The following SLC8A2 variants were observed in gnomAD, a reference collection of about 807,000 sequenced individuals.
SLC8A2 encodes the protein solute carrier family 8 member A2.
Under a neutral mutation model 70.2 loss-of-function variants are expected in SLC8A2, and 14 were observed. The observed-to-expected ratio is 0.20, with a 90% confidence interval of 0.13 to 0.31. SLC8A2 has a LOEUF of 0.31. Ranked by LOEUF, SLC8A2 falls within the 10% of genes least tolerant of loss-of-function variation. The pLI is 1.00. For missense variants in SLC8A2, 779 were observed against 1,320.1 expected, an observed-to-expected ratio of 0.59 and a Z score of 6.35; for synonymous variants, 575 against 594.3, an observed-to-expected ratio of 0.97 and a Z score of 0.47.
In SLC8A2 at chr19:47,448,719, G is replaced by A. The variant is rs1599851861; in HGVS notation, c.1341-488C>T. On this transcript the variant is annotated intron_variant, in intron 3 of 9. Coordinates refer to ENST00000236877, the MANE Select transcript of SLC8A2 (RefSeq NM_015063.3). This position sits in a 1 kb window ranked among gnomAD's most constrained non-coding sequence, Gnocchi z 4.8. The stretch of plus-strand genomic sequence containing the variant: ...TAGAAGCTCCCGGGTTTCTAGAATC[G>A]CATTTCTAACGAGCTCCAGGGGATG... 6.6e-6 allele frequency among the ~76,000 whole-genome samples: 1 copy of A among 152,144 alleles called. No homozygotes were observed. The highest frequency in any genetic ancestry group is 6.5e-5 in the Admixed American group (1 of 15,270).
At position 47,469,828 on chromosome 19, in the gene SLC8A2, G is replaced by A. The variant is rs180753925; in HGVS notation, c.-17+1961C>T. Among the ~76,000 whole-genome samples the A allele has an allele frequency of 1.5e-4, 23 of 152,336 alleles. No individual in the cohort carries two copies. In the South Asian group the frequency reaches 1.7e-3, roughly 11 times the overall value. On this transcript the variant is annotated intron_variant, in intron 1 of 9. Coordinates refer to ENST00000236877, the MANE Select transcript of SLC8A2 (RefSeq NM_015063.3). ...GCGGGGAGGGCAGATGGCAGGTACC[G>A]TCTCCCAGGGCCATCTCTCCCTCCC... is the stretch of plus-strand genomic sequence containing the variant.
chr19:47,471,840 G>C lies in SLC8A2; in HGVS notation c.-68C>G, dbSNP rs926464264. On this transcript the variant is annotated 5_prime_UTR_variant, in exon 1 of 10. Transcript: ENST00000236877. ...CCCCAGCGCTGGGCTGGCAGTGGTG[G>C]GCGACTCCGCCCGAAAGAGAGAGAG... 61 of 151,898 alleles carry C rather than the reference G, an allele frequency of 4.0e-4. 1 individual carries two copies. The highest frequency in any genetic ancestry group is 1.4e-3 in the African/African-American group (59 of 41,300). 9.4% of individuals were successfully genotyped at this position (151,898 alleles called of 1,614,324 possible). A position where few individuals can be genotyped will look rare whatever the true frequency, so the allele number is the denominator to read the frequency against.
intron 4 of SLC8A2, among the ~76,000 whole-genome samples, chr19:47,446,934 G>C (rs922911918): frequency 3.3e-5 from 5 of 151,982 alleles, no homozygotes; most frequent in Non-Finnish European, 7.4e-5. Context: ...AGTGTATCCA[G>C]CCAGCCCACC....
intron 3 of SLC8A2, among the ~76,000 whole-genome samples, chr19:47,452,449 T>TGA (rs1568444607): frequency 4.4e-5 from 3 of 67,836 alleles, no homozygotes; most frequent in East Asian, 9.7e-4. Flanking sequence ...AGAGAGAGTG[T>TGA]GTGTGTGTGT....
Position 47,459,600 on chromosome 19 carries a change from C to T in SLC8A2, c.676-2006G>A, listed in dbSNP as rs567788464. Among the ~76,000 whole-genome samples, 24 of 150,856 alleles carry T rather than the reference C, an allele frequency of 1.6e-4. No homozygotes were observed. The East Asian group carries it at 2.0e-3, about 12-fold the overall frequency. The stretch of plus-strand genomic sequence containing the variant: ...TGTGCGTGTGTGTGTCCTGTGTGTG[C>T]GTGCTTGTGTGTGCATGTGTGTATG... On this transcript the variant is annotated intron_variant, in intron 2 of 9. Transcript: ENST00000236877.
At position 47,432,101 on chromosome 19, in the gene SLC8A2, G is replaced by A. The variant is rs1255977800; in HGVS notation, c.2389+66C>T. ...GACTCCACCCACCTCATTTTGGCAG[G>A]ATCCTGTGTTGCCCCTGCCTGGCTC... On this transcript the variant is annotated intron_variant, in intron 9 of 9. Coordinates refer to ENST00000236877, the MANE Select transcript of SLC8A2 (RefSeq NM_015063.3). This position sits in a 1 kb window ranked among gnomAD's most constrained non-coding sequence, Gnocchi z 6.2. 1 of 1,455,184 alleles carries A rather than the reference G, an allele frequency of 6.9e-7. No individual in the cohort carries two copies. The highest frequency in any genetic ancestry group is 9.3e-7 in the Non-Finnish European group (1 of 1,071,374). 90.1% of individuals were successfully genotyped at this position (1,455,184 alleles called of 1,614,324 possible). A position where few individuals can be genotyped will look rare whatever the true frequency, so the allele number is the denominator to read the frequency against.
intron 1 of SLC8A2, among the ~76,000 whole-genome samples, chr19:47,467,386 GGGCTGT>G (rs1967476833): frequency 6.6e-6 from 1 of 152,210 alleles, no homozygotes; most frequent in South Asian, 2.1e-4. Flanking sequence ...CTCAGGATTT[GGGCTGT>G]GGCGGGTGTT....
At chr19:47,434,932 G>A (rs1192621905) in intron 8 of SLC8A2, among the ~76,000 whole-genome samples, 1 of 152,130 alleles carries the variant, frequency 6.6e-6, no homozygotes, top group Non-Finnish European at 1.5e-5. Flanking sequence ...GGGTCAGCTG[G>A]GCACAGTAGC....
intron 3 of SLC8A2, among the ~76,000 whole-genome samples, chr19:47,454,962 C>T (rs370193690): frequency 6.6e-6 from 1 of 152,272 alleles, no homozygotes. Context: ...TGGTGGGCAC[C>T]TGTAATCCCA....
At chr19:47,463,053 C>T (rs1018038664) in intron 2 of SLC8A2, among the ~76,000 whole-genome samples, 2 of 152,070 alleles carry the variant, frequency 1.3e-5, no homozygotes, top group Non-Finnish European at 2.9e-5. Context: ...TAAATAGATG[C>T]CTGCATCTGG....
chr19:47,430,156 AG>A lies in SLC8A2; in HGVS notation c.2698del (p.Leu900TrpfsTer37). 1 of 1,597,212 alleles carries A rather than the reference AG, an allele frequency of 6.3e-7. No homozygotes were observed. Among genetic ancestry groups the A allele is most frequent in the South Asian group, 1.1e-5 (1 of 89,184 alleles). ...GAGGATGTACAGGAGCCAGAGGCCCAGGAAGAGCGCGGTGGTGGCGAGCTTG... is the reference window on the plus strand; with the variant it reads ...GAGGATGTACAGGAGCCAGAGGCCCAGAAGAGCGCGGTGGTGGCGAGCTTG... ...GPKLATTALF[L>X]GLWLLYILFA... is the part of the protein sequence containing the mutation. On this transcript the variant is annotated frameshift_variant, in exon 10 of 10. Coordinates refer to ENST00000236877, the MANE Select transcript of SLC8A2 (RefSeq NM_015063.3). LOFTEE classifies it high-confidence loss of function. This position sits in a 1 kb window ranked among gnomAD's most constrained non-coding sequence, Gnocchi z 5.9.
rs888347773 is a variant in SLC8A2, at chr19:47,466,584, C to T, written c.-16-165G>A. On this transcript the variant is annotated intron_variant, in intron 1 of 9. Transcript: ENST00000236877. This position sits in a 1 kb window ranked among gnomAD's most constrained non-coding sequence, Gnocchi z 6.9. ...GACACAGAGAGTGACAGACAGAGAC[C>T]CACAGAGAGAGAGAGAGACTGAAAG... is the stretch of plus-strand genomic sequence containing the variant. 5.7e-4 allele frequency among the ~76,000 whole-genome samples: 44 copies of T among 76,526 alleles called. No homozygotes were observed. Among genetic ancestry groups the T allele is most frequent in the Non-Finnish European group, 1.6e-3 (37 of 23,292 alleles). 50.2% of individuals were successfully genotyped at this position (76,526 alleles called of 152,430 possible). A position where few individuals can be genotyped will look rare whatever the true frequency, so the allele number is the denominator to read the frequency against.
At chr19:47,431,194 A>C (rs1218255023) in intron 9 of SLC8A2, among the ~76,000 whole-genome samples, 1 of 151,188 alleles carries the variant, frequency 6.6e-6, no homozygotes, top group Non-Finnish European at 1.5e-5. Context: ...ACGTCCAGCT[A>C]ATTTTTGTAT....
chr19:47,441,972 C>T (rs928549123), intron 4 of SLC8A2, among the ~76,000 whole-genome samples: 1 of 152,074 alleles, frequency 6.6e-6, no homozygotes, highest in Non-Finnish European at 1.5e-5. Flanking sequence ...TGTGGTGGCA[C>T]ATGCCTGTAG....
intron 4 of SLC8A2, 29 bp from the exon 5 acceptor site, chr19:47,441,469 C>T (rs1967098945): frequency 1.4e-6 from 2 of 1,413,698 alleles, no homozygotes; most frequent in Non-Finnish European, 9.9e-7. Context: ...GGAGGCAGAA[C>T]ACTCAGTGTA....
chr19:47,464,536 C>A (rs147629810), intron 2 of SLC8A2, among the ~76,000 whole-genome samples: 3 of 152,166 alleles, frequency 2.0e-5, no homozygotes, highest in Non-Finnish European at 4.4e-5. Context: ...TTTCTCTCTC[C>A]CTCTTTCAGG....
In SLC8A2 at chr19:47,457,195, G is replaced by T; in HGVS notation, c.1075C>A (p.Arg359=). 1 of 1,545,608 alleles carries T rather than the reference G, an allele frequency of 6.5e-7. No individual in the cohort carries two copies. The highest frequency in any genetic ancestry group is 8.7e-7 in the Non-Finnish European group (1 of 1,145,440). Reference sequence around the variant, plus strand: ...ACGTTCCCGGCGCCGGTCATCAGCCGCGTGGCCTGGATGCGGTAGAAGGCG... The same window carrying T: ...ACGTTCCCGGCGCCGGTCATCAGCCTCGTGGCCTGGATGCGGTAGAAGGCG... ...SRAFYRIQAT[R]LMTGAGNVLR... The change falls in exon 3 of 10, where the codon CGG becomes AGG. Residue 359 remains arginine, a synonymous_variant. Coordinates refer to ENST00000236877, the MANE Select transcript of SLC8A2 (RefSeq NM_015063.3).
chr19:47,456,841 T>C (rs1304293201), intron 3 of SLC8A2, 89 bp downstream of exon 3: 7 of 1,263,428 alleles, frequency 5.5e-6, no homozygotes, highest in African/African-American at 3.1e-5. Flanking sequence ...CAGGAGTCAG[T>C]TGGGAGGCGA....
At chr19:47,435,550 GTTTTTTT>G (rs895524785) in intron 8 of SLC8A2, among the ~76,000 whole-genome samples, 8 of 133,300 alleles carry the variant, frequency 6.0e-5, no homozygotes, top group African/African-American at 2.3e-4. Context: ...TCTTTTCTTC[GTTTTTTT>G]TTTTTTTTTT....
Sources: gnomAD v4.1 joint callset for allele counts (sites outside exome capture counted in the v4.1 genomes callset) on GRCh38, gnomAD v4.1.1 for gene constraint, Gnocchi (gnomAD v3.1) non-coding constraint, MANE v1.5 for transcripts, NCBI Gene and HGNC (gene_info 2026-07-23, HGNC 2026-07-21) for gene names.